The following MEIOC variants were observed in gnomAD, a reference collection of about 807,000 sequenced individuals.
The protein encoded by MEIOC is meiosis-specific coiled-coil domain-containing protein MEIOC.
A neutral mutation model predicts 85.3 loss-of-function variants in MEIOC; 9 were observed. The observed-to-expected ratio is 0.11, with a 90% CI of 0.06 to 0.18. MEIOC has a LOEUF of 0.18. Among genes scored for constraint, MEIOC ranks in the 10% least tolerant of loss-of-function variants. The pLI is 1.00. For missense variants in MEIOC, 898 were observed against 1,129.4 expected (o/e 0.80, Z 2.94); for synonymous variants, 365 against 393.7 (o/e 0.93, Z 0.86).
In MEIOC at chr17:44,667,763, G is replaced by A; in HGVS notation, c.1852G>A (p.Asp618Asn). The change falls in exon 5 of 8, where the codon GAT (aspartate) becomes AAT (asparagine). Residue 618 changes from aspartate (D) to asparagine (N), a missense_variant. Coordinates refer to ENST00000409122, the MANE Select transcript of MEIOC (RefSeq NM_001145080.3). ...FQAKPQSGHY[D>N]PEEGPKHLDG... is the part of the protein sequence containing the mutation. ...AGCCAAGCCCCAGAGTGGACATTAT[G>A]ATCCTGAGGAAGGTCCAAAGCATTT... The A allele has an allele frequency of 2.5e-6, 4 of 1,613,834 alleles. No homozygotes were observed. Among genetic ancestry groups the A allele is most frequent in the Non-Finnish European group, 3.4e-6 (4 of 1,179,818 alleles).
In MEIOC at chr17:44,669,184, T is replaced by C. The variant is rs140784963; in HGVS notation, c.2323-199T>C. Among the ~76,000 whole-genome samples, 840 of 151,856 alleles carry C rather than the reference T, an allele frequency of 5.5e-3. 10 individuals carry two copies. The highest frequency in any genetic ancestry group is 0.019 in the African/African-American group (791 of 41,402). On this transcript the variant is annotated intron_variant, in intron 5 of 7. Coordinates refer to ENST00000409122, the MANE Select transcript of MEIOC (RefSeq NM_001145080.3). ...CACCACTGCACTCCAGCCTGGGCAA[T>C]AGAGTGAGACTCCATCTGAAAAAAA...
chr17:44,671,093 T>A (rs1209079495), intron 6 of MEIOC: 1 of 151,990 alleles, frequency 6.6e-6, no homozygotes, highest in Non-Finnish European at 1.5e-5. Context: ...AATAAAACCA[T>A]TTTAGGAATT....
At chr17:44,660,561 T>G (rs1342714451) in intron 2 of MEIOC, among the ~76,000 whole-genome samples, 1 of 152,188 alleles carries the variant, frequency 6.6e-6, no homozygotes, top group Non-Finnish European at 1.5e-5. Context: ...TCTGTATTTA[T>G]AAGAAAATAC....
intron 3 of MEIOC, 98 bp downstream of exon 3, chr17:44,662,569 AC>A (rs1162487661): frequency 4.7e-6 from 4 of 850,806 alleles, no homozygotes; most frequent in African/African-American, 1.7e-5. Flanking sequence ...TTATCATTTT[AC>A]TATTGTGGCA....
intron 2 of MEIOC, 56 bp downstream of exon 2, chr17:44,657,317 G>T (rs955011876): frequency 6.0e-6 from 9 of 1,510,846 alleles, no homozygotes; most frequent in Non-Finnish European, 8.1e-6. Context: ...GGATTTACTC[G>T]AGCCACCGAT....
intron 3 of MEIOC, among the ~76,000 whole-genome samples, chr17:44,664,624 C>T (rs1288518132): frequency 6.6e-6 from 1 of 152,124 alleles, no homozygotes; most frequent in African/African-American, 2.4e-5. Context: ...ATCCAAAACA[C>T]CTCTGATCCC....
chr17:44,669,007 G>A (rs1261226517), intron 5 of MEIOC, among the ~76,000 whole-genome samples: 1 of 152,138 alleles, frequency 6.6e-6, no homozygotes, highest in African/African-American at 2.4e-5. Context: ...TTGGAGACCA[G>A]CCTGGCCAAC....
At chr17:44,664,360 T>C (rs1971879046) in intron 3 of MEIOC, among the ~76,000 whole-genome samples, 1 of 151,860 alleles carries the variant, frequency 6.6e-6, no homozygotes, top group African/African-American at 2.4e-5. Flanking sequence ...AGACTCCATC[T>C]CAAAAATAAA....
intron 6 of MEIOC, chr17:44,671,084 A>G (rs1167220624): frequency 6.6e-6 from 1 of 152,136 alleles, no homozygotes; most frequent in Admixed American, 6.5e-5. Flanking sequence ...CTTTTATTGA[A>G]TAAAACCATT....
In MEIOC at chr17:44,674,011, T is replaced by C; in HGVS notation, c.2674T>C (p.Cys892Arg). 1.3e-6 allele frequency: 2 copies of C among 1,551,704 alleles called. No individual in the cohort carries two copies. The highest frequency in any genetic ancestry group is 1.4e-5 in the African/African-American group (1 of 73,172). The change falls in exon 8 of 8, where the codon TGT becomes CGT. Residue 892 changes from cysteine (C) to arginine (R), a missense_variant. Physicochemically the swap from Cys to Arg is radical, Grantham distance 180 (BLOSUM62 -3). This residue lies in a region of MEIOC where 164 missense variants were observed against 269.2 expected (regional missense o/e 0.61). Transcript: ENST00000409122. ...FALASAIKEM[C>R]VATRKTRTAL... ...CCTTGCTTCTGCAATTAAAGAGATGTGTGTGGCTACTCGGAAAACACGCAC... is the reference window on the plus strand; with the variant it reads ...CCTTGCTTCTGCAATTAAAGAGATGCGTGTGGCTACTCGGAAAACACGCAC...
chr17:44,666,046 A>G (rs1402702098), intron 4 of MEIOC, among the ~76,000 whole-genome samples: 1 of 152,196 alleles, frequency 6.6e-6, no homozygotes, highest in East Asian at 1.9e-4. Context: ...CTTTTATGTA[A>G]TAACCTAAGC....
At position 44,667,378 on chromosome 17, in the gene MEIOC, T is replaced by A. The variant is rs767022403; in HGVS notation, c.1467T>A (p.Ile489=). 6.2e-7 allele frequency: 1 copy of A among 1,613,850 alleles called. No individual in the cohort carries two copies. Among genetic ancestry groups the A allele is most frequent in the South Asian group, 1.1e-5 (1 of 91,084 alleles). The change falls in exon 5 of 8, where the codon ATT becomes ATA. Residue 489 remains isoleucine (I), a synonymous_variant. Transcript: ENST00000409122. ...TTCAAACAAAAAATAACACTCCTAT[T>A]CCTTATCGAAATCAAGGTAACTTGA... ...MNVQTKNNTP[I]PYRNQGNLMK...
At position 44,668,236 on chromosome 17, in the gene MEIOC, A is replaced by G; in HGVS notation, c.2322+3A>G. ...CATTAGAAAAAGAGAGAAAAAAGGT[A>G]ACACAAAGTTAACCACTTAGGAATA... On this transcript the variant is annotated splice_donor_region_variant and intron_variant, in intron 5 of 7. Transcript: ENST00000409122. 6.3e-7 allele frequency: 1 copy of G among 1,587,538 alleles called. No homozygotes were observed. Among genetic ancestry groups the G allele is most frequent in the Non-Finnish European group, 8.5e-7 (1 of 1,169,956 alleles).
At chr17:44,671,117 T>C (rs921235287) in intron 6 of MEIOC, 1 of 151,946 alleles carries the variant, frequency 6.6e-6, no homozygotes. Flanking sequence ...AAAATCAACA[T>C]GGGTCAAATT....
chr17:44,662,000 T>A (rs189922772), intron 2 of MEIOC, among the ~76,000 whole-genome samples: 2 of 152,336 alleles, frequency 1.3e-5, no homozygotes, highest in Non-Finnish European at 2.9e-5. Context: ...ATACCTGTTT[T>A]GTAAATAAAG....
chr17:44,661,922 A>C (rs1193832643), intron 2 of MEIOC, among the ~76,000 whole-genome samples: 6 of 152,214 alleles, frequency 3.9e-5, no homozygotes, highest in Non-Finnish European at 8.8e-5. Context: ...TCAAAAAATT[A>C]CAAAAAAACT....
At chr17:44,659,443 C>A (rs376326640) in intron 2 of MEIOC, among the ~76,000 whole-genome samples, 69 of 152,238 alleles carry the variant, frequency 4.5e-4, no homozygotes, top group Admixed American at 1.8e-3. Context: ...AGTTAATATG[C>A]CCACTCAAAT....
At chr17:44,669,541 GTGGA>G in intron 6 of MEIOC, 24 bp downstream of exon 6, 1 of 1,550,832 alleles carries the variant, frequency 6.4e-7, no homozygotes, top group East Asian at 2.4e-5. Flanking sequence ...ATAGATAACA[GTGGA>G]TGGATTTTTT....
chr17:44,658,006 C>T (rs2144654549), intron 2 of MEIOC, among the ~76,000 whole-genome samples: 1 of 152,060 alleles, frequency 6.6e-6, no homozygotes, highest in Middle Eastern at 3.4e-3. Context: ...CACCTGCCAT[C>T]ATGCCCGGCT....
Sources: allele counts gnomAD v4.1 joint callset (sites outside exome capture counted in the v4.1 genomes callset), GRCh38; gene constraint gnomAD v4.1.1; regional missense constraint gnomAD v4.1.1; transcripts MANE v1.5; gene names NCBI Gene and HGNC (gene_info 2026-07-23, HGNC 2026-07-21).